The following ROBO2 variants were observed in gnomAD, a reference collection of about 807,000 sequenced individuals.
ROBO2 encodes the protein roundabout homolog 2.
ROBO2 carries 53 observed loss-of-function variants against 160.8 expected under a neutral mutation model. The ratio of observed to expected loss-of-function variants is 0.33; its 90% CI spans 0.26 to 0.41. The LOEUF is 0.41. Among genes scored for constraint, ROBO2 ranks in the 10% least tolerant of loss-of-function variants. ROBO2 has a pLI of 1.00. For synonymous variants in ROBO2, 664 were observed against 611.7 expected, an observed-to-expected ratio of 1.09 and a Z score of -1.26; for missense variants, 1,577 against 1,722.4, an observed-to-expected ratio of 0.92 and a Z score of 1.49.
At chr3:76,985,359 G>T (rs2060315451) in intron 2 of ROBO2, among the ~76,000 whole-genome samples, 1 of 151,896 alleles carries the variant, frequency 6.6e-6, no homozygotes, top group South Asian at 2.1e-4. Flanking sequence ...AAGGTGGGAA[G>T]ATCACGAGGT....
intron 2 of ROBO2, among the ~76,000 whole-genome samples, chr3:77,417,242 T>C (rs1197075347): frequency 6.6e-6 from 1 of 151,954 alleles, no homozygotes; most frequent in Non-Finnish European, 1.5e-5. Flanking sequence ...TTTTTTTTTT[T>C]TTTTTTGGCT....
intron 2 of ROBO2, among the ~76,000 whole-genome samples, chr3:76,560,271 T>C (rs2084083735): frequency 6.6e-6 from 1 of 152,154 alleles, no homozygotes; most frequent in African/African-American, 2.4e-5. Flanking sequence ...GTAGCCGTCA[T>C]AAGAATATTC....
chr3:76,494,441 A>G (rs1008138076), intron 2 of ROBO2, among the ~76,000 whole-genome samples: 1 of 152,284 alleles, frequency 6.6e-6, no homozygotes, highest in Middle Eastern at 3.4e-3. Context: ...AAAGACATGC[A>G]ATTGTAGGCA....
At chr3:76,237,459 T>C (rs2107499347) in intron 2 of ROBO2, among the ~76,000 whole-genome samples, 1 of 152,310 alleles carries the variant, frequency 6.6e-6, no homozygotes, top group Non-Finnish European at 1.5e-5. Flanking sequence ...ATCTCAATAA[T>C]TTAATATAAA....
Position 77,317,418 on chromosome 3 carries a change from C to T in ROBO2, c.389-159996C>T, listed in dbSNP as rs2064119744. 12 of 1,418,688 alleles carry T rather than the reference C, an allele frequency of 8.5e-6. No individual in the cohort carries two copies. In the East Asian group the frequency reaches 2.4e-4, roughly 28 times the overall value. 87.9% of individuals were successfully genotyped at this position (1,418,688 alleles called of 1,614,324 possible). On this transcript the variant is annotated intron_variant, in intron 2 of 25. Transcript: ENST00000461745. Reference sequence around the variant, plus strand: ...CGTAGACCTCGAGCCATAGTCAGTCCATCGGTACCTGGTTTCCAGACTGCC... The same window carrying T: ...CGTAGACCTCGAGCCATAGTCAGTCTATCGGTACCTGGTTTCCAGACTGCC...
chr3:76,398,071 A>C (rs2077572797), intron 2 of ROBO2, among the ~76,000 whole-genome samples: 1 of 152,150 alleles, frequency 6.6e-6, no homozygotes, highest in Non-Finnish European at 1.5e-5. Context: ...ACTTGGAACC[A>C]ACCCAAATGT....
intron 2 of ROBO2, among the ~76,000 whole-genome samples, chr3:76,380,634 C>T (rs533021082): frequency 1.3e-5 from 2 of 152,122 alleles, no homozygotes; most frequent in South Asian, 4.2e-4. Flanking sequence ...ATATAAAATA[C>T]GTGTTAACTG....
intron 2 of ROBO2, among the ~76,000 whole-genome samples, chr3:76,773,497 T>C (rs970797009): frequency 6.6e-6 from 1 of 150,908 alleles, no homozygotes; most frequent in African/African-American, 2.4e-5. Flanking sequence ...CATTAACATA[T>C]GTCATTCCTG....
chr3:76,562,570 A>G (rs2084259612), intron 2 of ROBO2, among the ~76,000 whole-genome samples: 1 of 152,018 alleles, frequency 6.6e-6, no homozygotes, highest in African/African-American at 2.4e-5. Context: ...CTTTTCATTC[A>G]AATGCTCTTC....
chr3:77,180,717 G>A (rs1341475752), intron 2 of ROBO2, among the ~76,000 whole-genome samples: 1 of 151,684 alleles, frequency 6.6e-6, no homozygotes, highest in African/African-American at 2.4e-5. Context: ...TTTGTACTCT[G>A]TTTAAAAGCA....
At chr3:75,965,360 T>G (rs1047953014) in intron 2 of ROBO2, among the ~76,000 whole-genome samples, 1 of 139,980 alleles carries the variant, frequency 7.1e-6, no homozygotes, top group African/African-American at 2.6e-5. Context: ...GATCACTGTT[T>G]CTTTACGAAT....
chr3:77,453,786 T>A (rs2081345680), intron 2 of ROBO2, among the ~76,000 whole-genome samples: 1 of 152,138 alleles, frequency 6.6e-6, no homozygotes, highest in South Asian at 2.1e-4. Context: ...TTTGAGTGCA[T>A]GGCTTGGAGT....
chr3:76,562,200 G>A (rs2084221945), intron 2 of ROBO2, among the ~76,000 whole-genome samples: 1 of 151,506 alleles, frequency 6.6e-6, no homozygotes, highest in Admixed American at 6.6e-5. Context: ...TAACTTCTCT[G>A]AGGCTTAGTT....
rs535541610 is a variant in ROBO2 at position 77,006,805 on chromosome 3, A to G, written c.110-91209A>G. 3.3e-5 allele frequency among the ~76,000 whole-genome samples: 5 copies of G among 152,214 alleles called. No individual in the cohort carries two copies. In the East Asian group the frequency reaches 9.6e-4, roughly 29 times the overall value. Reference sequence around the variant, plus strand: ...CTATAATGACAAGGCATAAGTGATAAAAAATAGGAAAGAAAATTATAAAAA... The same window carrying G: ...CTATAATGACAAGGCATAAGTGATAGAAAATAGGAAAGAAAATTATAAAAA... On this transcript the variant is annotated intron_variant, in intron 2 of 26. Coordinates refer to the ROBO2 transcript ENST00000487694.
chr3:76,079,485 T>G lies in ROBO2; in HGVS notation c.109+141883T>G, dbSNP rs985944994. ...TATTTATTTATTATTATTATTAGTTTTTTTTTTTTTTTGGTGGAGACAGAG... is the reference window on the plus strand; with the variant it reads ...TATTTATTTATTATTATTATTAGTTGTTTTTTTTTTTTGGTGGAGACAGAG... On this transcript the variant is annotated intron_variant, in intron 2 of 26. Transcript: ENST00000487694. Among the ~76,000 whole-genome samples, 5 of 148,368 alleles carry G rather than the reference T, an allele frequency of 3.4e-5. No homozygotes were observed. The East Asian group carries it at 5.9e-4, about 17-fold the overall frequency.
intron 2 of ROBO2, among the ~76,000 whole-genome samples, chr3:76,909,371 A>G (rs1261564391): frequency 6.6e-6 from 1 of 152,150 alleles, no homozygotes; most frequent in African/African-American, 2.4e-5. Flanking sequence ...TGCTAGGACG[A>G]GAGAAAAAAG....
At chr3:77,424,623 C>T (rs913217668) in intron 2 of ROBO2, among the ~76,000 whole-genome samples, 10 of 152,118 alleles carry the variant, frequency 6.6e-5, no homozygotes, top group African/African-American at 2.4e-4. Flanking sequence ...AGCAACTAGG[C>T]TTCCACAATT....
intron 2 of ROBO2, among the ~76,000 whole-genome samples, chr3:77,157,288 C>A (rs1579471557): frequency 6.6e-6 from 1 of 151,884 alleles, no homozygotes; most frequent in East Asian, 1.9e-4. Flanking sequence ...AATGAGTATT[C>A]CTAAGTATAT....
intron 2 of ROBO2, among the ~76,000 whole-genome samples, chr3:76,195,543 A>C: frequency 6.6e-6 from 1 of 152,216 alleles, no homozygotes; most frequent in Admixed American, 6.5e-5. Flanking sequence ...ATTTGTGCCC[A>C]GTTAAACCAG....
Sources: allele counts gnomAD v4.1 joint callset (sites outside exome capture counted in the v4.1 genomes callset), GRCh38; gene constraint gnomAD v4.1.1; transcripts MANE v1.5; gene names NCBI Gene and HGNC (gene_info 2026-07-23, HGNC 2026-07-21).